The following TBC1D22A variants were observed in gnomAD, a reference collection of about 807,000 sequenced individuals.
TBC1D22A encodes TBC1 domain family member 22A.
In TBC1D22A, 38 loss-of-function variants were observed where a neutral mutation model predicts 60.2. The observed-to-expected ratio is 0.63, with a 90% CI of 0.49 to 0.83. The LOEUF is 0.83. TBC1D22A is among the 40% of genes least tolerant of loss of function. The probability of loss-of-function intolerance (pLI) is 0.00; values close to 1 mark genes in which losing one functional copy is unlikely to be tolerated. For synonymous variants in TBC1D22A, 302 were observed against 281.7 expected, an observed-to-expected ratio of 1.07 and a Z score of -0.72; for missense variants, 628 against 701.0, an observed-to-expected ratio of 0.90 and a Z score of 1.18.
At chr22:46,913,837 AT>A in intron 8 of TBC1D22A, 1 of 862,082 alleles carries the variant, frequency 1.2e-6, no homozygotes, top group Non-Finnish European at 1.4e-6. Flanking sequence ...TTCTTAATGC[AT>A]TTGCCTGATT....
At chr22:46,902,641 A>G (rs919839413) in intron 7 of TBC1D22A, among the ~76,000 whole-genome samples, 4 of 152,148 alleles carry the variant, frequency 2.6e-5, no homozygotes, top group Non-Finnish European at 4.4e-5. Flanking sequence ...CAGCCCTTCC[A>G]CTGAGCTGAC....
intron 8 of TBC1D22A, among the ~76,000 whole-genome samples, chr22:46,942,360 G>A (rs1439725144): frequency 6.6e-6 from 1 of 152,064 alleles, no homozygotes; most frequent in Non-Finnish European, 1.5e-5. Context: ...ACTTCACAAG[G>A]CCCCAAGCTT....
At chr22:46,943,416 T>G (rs1353987645) in intron 8 of TBC1D22A, among the ~76,000 whole-genome samples, 3 of 152,222 alleles carry the variant, frequency 2.0e-5, no homozygotes, top group Non-Finnish European at 4.4e-5. Flanking sequence ...ACAAAGAATT[T>G]GTGTTTTAGC....
rs1430003303 is a variant in TBC1D22A at position 46,984,343 on chromosome 22, G to A, written c.1125+9944G>A. On this transcript the variant is annotated intron_variant, in intron 9 of 12. Transcript: ENST00000337137. Reference sequence around the variant, plus strand: ...GATCGAGCCACTGCCCTCCAGCCGGGGCGACAGAACCAGACTCCATCTCAA... The same window carrying A: ...GATCGAGCCACTGCCCTCCAGCCGGAGCGACAGAACCAGACTCCATCTCAA... Among the ~76,000 whole-genome samples the A allele has an allele frequency of 2.5e-5, 3 of 120,240 alleles. No homozygotes were observed. In the South Asian group the frequency reaches 8.2e-4, roughly 33 times the overall value. 78.9% of individuals were successfully genotyped at this position (120,240 alleles called of 152,430 possible).
chr22:46,810,223 A>G (rs1231360649), intron 4 of TBC1D22A, among the ~76,000 whole-genome samples: 1 of 152,264 alleles, frequency 6.6e-6, no homozygotes, highest in African/African-American at 2.4e-5. Flanking sequence ...AAGCTGCATT[A>G]TACGAAGTTA....
chr22:46,806,560 A>T (rs2085149475), intron 4 of TBC1D22A, among the ~76,000 whole-genome samples: 1 of 150,656 alleles, frequency 6.6e-6, no homozygotes, highest in Non-Finnish European at 1.5e-5. Flanking sequence ...TATTAAAAAT[A>T]TTTAAAAATT....
At chr22:46,813,531 T>C (rs1301844327) in intron 4 of TBC1D22A, among the ~76,000 whole-genome samples, 1 of 152,226 alleles carries the variant, frequency 6.6e-6, no homozygotes, top group African/African-American at 2.4e-5. Context: ...TTATTTCTGA[T>C]TATTTCATTC....
intron 8 of TBC1D22A, among the ~76,000 whole-genome samples, chr22:46,936,321 AGTTC>A (rs965945341): frequency 1.3e-5 from 2 of 150,052 alleles, no homozygotes; most frequent in Admixed American, 1.3e-4. Flanking sequence ...GGCTCCTCGC[AGTTC>A]TGCACGCCCT....
intron 4 of TBC1D22A, among the ~76,000 whole-genome samples, chr22:46,803,190 C>T (rs1176270782): frequency 6.6e-6 from 1 of 152,048 alleles, no homozygotes; most frequent in Non-Finnish European, 1.5e-5. Flanking sequence ...CCCCTTCCTG[C>T]GTGCCCCAGA....
intron 6 of TBC1D22A, among the ~76,000 whole-genome samples, chr22:46,892,706 G>C (rs1382835270): frequency 6.6e-6 from 1 of 152,188 alleles, no homozygotes; most frequent in Non-Finnish European, 1.5e-5. Flanking sequence ...TTTCAGAAAA[G>C]ATTTCCAAAG....
chr22:46,766,272 C>T (rs577489876), intron 1 of TBC1D22A, among the ~76,000 whole-genome samples: 2 of 152,242 alleles, frequency 1.3e-5, no homozygotes, highest in Admixed American at 6.5e-5. Context: ...GCTGGGATTA[C>T]AGGCTTGAGC....
chr22:46,871,923 T>C (rs1459053884), intron 4 of TBC1D22A, among the ~76,000 whole-genome samples: 1 of 152,030 alleles, frequency 6.6e-6, no homozygotes, highest in South Asian at 2.1e-4. Context: ...CTAGTTGGAC[T>C]AATGAACAGA....
intron 8 of TBC1D22A, among the ~76,000 whole-genome samples, chr22:46,947,598 C>T (rs903802165): frequency 6.6e-5 from 10 of 152,204 alleles, no homozygotes; most frequent in African/African-American, 1.9e-4. Flanking sequence ...GGCTGCTGCT[C>T]CCGCTTGTCT....
chr22:46,878,030 TG>T, intron 4 of TBC1D22A, among the ~76,000 whole-genome samples: 1 of 152,082 alleles, frequency 6.6e-6, no homozygotes, highest in Non-Finnish European at 1.5e-5. Flanking sequence ...TTTTTCTACT[TG>T]TAGGTATTTA....
chr22:46,778,312 C>G (rs982103396), intron 1 of TBC1D22A, among the ~76,000 whole-genome samples: 4 of 152,104 alleles, frequency 2.6e-5, no homozygotes, highest in Non-Finnish European at 5.9e-5. Context: ...TTTTAAACTT[C>G]ATAAACGTTT....
At chr22:47,020,956 C>T (rs1415821104) in intron 10 of TBC1D22A, among the ~76,000 whole-genome samples, 3 of 151,980 alleles carry the variant, frequency 2.0e-5, no homozygotes, top group African/African-American at 4.8e-5. Flanking sequence ...CCAGAGAAGC[C>T]CACATGGCAG....
intron 5 of TBC1D22A, among the ~76,000 whole-genome samples, chr22:46,883,827 G>A (rs1193534914): frequency 2.6e-5 from 4 of 152,232 alleles, no homozygotes; most frequent in African/African-American, 4.8e-5. Context: ...TAGCCAACCC[G>A]GACACATTTC....
intron 8 of TBC1D22A, among the ~76,000 whole-genome samples, chr22:46,973,315 C>G (rs2074151954): frequency 6.6e-6 from 1 of 152,214 alleles, no homozygotes; most frequent in Admixed American, 6.5e-5. Flanking sequence ...CCTCTTTACC[C>G]CGCTGTTGTC....
At chr22:46,793,350 T>G in intron 2 of TBC1D22A, 151 bp from the exon 3 acceptor site, 1 of 772,382 alleles carries the variant, frequency 1.3e-6, no homozygotes, top group South Asian at 1.8e-5. Context: ...CTTTTGGCTG[T>G]CTCTGTGAAT....
Sources: allele counts gnomAD v4.1 joint callset (sites outside exome capture counted in the v4.1 genomes callset), GRCh38; gene constraint gnomAD v4.1.1; transcripts MANE v1.5; gene names NCBI Gene and HGNC (gene_info 2026-07-23, HGNC 2026-07-21).